The following LRRC40 variants were observed in gnomAD, a reference collection of about 807,000 sequenced individuals.
LRRC40 encodes the protein leucine-rich repeat-containing protein 40.
LRRC40 carries 76 observed loss-of-function variants against 72.8 expected under a neutral mutation model. The observed-to-expected ratio is 1.04, with a 90% CI of 0.87 to 1.26. LRRC40 has a LOEUF of 1.26. Ranked by LOEUF, LRRC40 falls within the 50% of genes most tolerant of loss-of-function variation. The probability of loss-of-function intolerance (pLI) is 0.00; values close to 1 mark genes in which losing one functional copy is unlikely to be tolerated. For synonymous variants in LRRC40, 243 were observed against 254.2 expected (o/e 0.96, Z 0.42); for missense variants, 684 against 698.9 (o/e 0.98, Z 0.24).
intron 4 of LRRC40, among the ~76,000 whole-genome samples, chr1:70,182,643 CAGTT>C (rs1307298496): frequency 6.6e-6 from 1 of 151,820 alleles, no homozygotes; most frequent in African/African-American, 2.4e-5. Flanking sequence ...ATAATTACTG[CAGTT>C]AGTAATTGTT....
chr1:70,187,439 C>G (rs1295414784), intron 2 of LRRC40, 101 bp from the exon 3 acceptor site: 3 of 611,474 alleles, frequency 4.9e-6, no homozygotes, highest in Non-Finnish European at 8.8e-6. Context: ...ATCTCCTGTT[C>G]CTCAAATTCA....
At chr1:70,201,608 T>C (rs1668739915) in intron 1 of LRRC40, among the ~76,000 whole-genome samples, 1 of 152,106 alleles carries the variant, frequency 6.6e-6, no homozygotes, top group South Asian at 2.1e-4. Flanking sequence ...GATATACAGA[T>C]GGCAAATGAG....
At chr1:70,165,871 T>C (rs572735696) in intron 9 of LRRC40, among the ~76,000 whole-genome samples, 4 of 152,324 alleles carry the variant, frequency 2.6e-5, no homozygotes, top group Admixed American at 1.3e-4. Context: ...GTGATTCTTA[T>C]GTGCCTCTAG....
At chr1:70,159,209 T>C (rs1194220885) in intron 10 of LRRC40, 121 bp downstream of exon 10, 12 of 425,792 alleles carry the variant, frequency 2.8e-5, no homozygotes, top group Non-Finnish European at 4.2e-6. Context: ...AAGCCTATAA[T>C]CCTAGCACTT....
chr1:70,153,972 CAAAAAAAAA>C (rs1042976831), intron 11 of LRRC40, among the ~76,000 whole-genome samples: 2 of 58,196 alleles, frequency 3.4e-5, no homozygotes, highest in South Asian at 5.6e-4. Context: ...GATCCTGTCT[CAAAAAAAAA>C]AAAAAAAAAA....
At position 70,200,190 on chromosome 1, in the gene LRRC40, G is replaced by C. The variant is rs569516938; in HGVS notation, c.151+5200C>G. ...TGTAGAAATATCAGGAATGGGGTCA[G>C]GTACAGTGGCTCACACCCATAATCC... On this transcript the variant is annotated intron_variant, in intron 1 of 14. Coordinates refer to ENST00000370952, the MANE Select transcript of LRRC40 (RefSeq NM_017768.5). Among the ~76,000 whole-genome samples the C allele has an allele frequency of 4.6e-5, 7 of 152,288 alleles. No individual in the cohort carries two copies. The South Asian group carries it at 1.5e-3, about 32-fold the overall frequency.
chr1:70,174,389 G>A (rs1183881605), intron 7 of LRRC40, among the ~76,000 whole-genome samples: 1 of 152,032 alleles, frequency 6.6e-6, no homozygotes, highest in African/African-American at 2.4e-5. Context: ...TTTCGAAAGT[G>A]GAGTCTTTTA....
At chr1:70,205,244 A>G in intron 1 of LRRC40, 146 bp downstream of exon 1, 1 of 729,324 alleles carries the variant, frequency 1.4e-6, no homozygotes, top group Non-Finnish European at 2.1e-6. Context: ...ACCGGTCGAA[A>G]TGAGCACAGG....
At chr1:70,175,418 C>G (rs1034979575) in intron 7 of LRRC40, among the ~76,000 whole-genome samples, 2 of 152,080 alleles carry the variant, frequency 1.3e-5, no homozygotes, top group African/African-American at 4.8e-5. Flanking sequence ...AGTATTTTTT[C>G]TTAATGTTTC....
chr1:70,195,788 A>C (rs1217583844), intron 1 of LRRC40, among the ~76,000 whole-genome samples: 1 of 152,110 alleles, frequency 6.6e-6, no homozygotes, highest in Non-Finnish European at 1.5e-5. Context: ...GGCATGTGCC[A>C]CCATGCCTGG....
At position 70,205,423 on chromosome 1, in the gene LRRC40, G is replaced by A. The variant is rs533301606; in HGVS notation, c.118C>T (p.Gln40Ter). The A allele has an allele frequency of 5.0e-6, 8 of 1,602,016 alleles. No individual in the cohort carries two copies. Among genetic ancestry groups the A allele is most frequent in the Admixed American group, 1.7e-5 (1 of 59,720 alleles). ...GLLKAARKSG[Q>*]LNLSGRNLSE... is the part of the protein sequence containing the mutation. ...AGGTTTCTACCCGACAGGTTTAACT[G>A]GCCGCTCTTCCTCGCTGCCTTCAAC... is the stretch of plus-strand genomic sequence containing the variant. Residue 40 changes from glutamine to a stop codon, truncating the protein, a stop_gained, in exon 1 of 15, where the codon CAG becomes TAG. Transcript: ENST00000370952. LOFTEE classifies it high-confidence loss of function.
chr1:70,199,210 T>C (rs1228499064), intron 1 of LRRC40, among the ~76,000 whole-genome samples: 2 of 97,200 alleles, frequency 2.1e-5, no homozygotes, highest in East Asian at 5.8e-4. Flanking sequence ...AAATTATACA[T>C]AGTCTCACAC....
intron 13 of LRRC40, among the ~76,000 whole-genome samples, chr1:70,150,279 G>C (rs1440608061): frequency 6.6e-6 from 1 of 152,120 alleles, no homozygotes; most frequent in East Asian, 1.9e-4. Context: ...GAAACAATGT[G>C]ACATAGTTGT....
intron 1 of LRRC40, among the ~76,000 whole-genome samples, chr1:70,201,874 G>A (rs895178572): frequency 2.6e-5 from 4 of 152,116 alleles, no homozygotes; most frequent in African/African-American, 9.7e-5. Flanking sequence ...CTACTCAGGA[G>A]GCTGAGACGG....
intron 13 of LRRC40, among the ~76,000 whole-genome samples, chr1:70,149,417 C>A (rs1326101407): frequency 6.6e-6 from 1 of 152,200 alleles, no homozygotes. Flanking sequence ...CAAGGCAGTG[C>A]TGAAGTTCCA....
At position 70,160,244 on chromosome 1, in the gene LRRC40, A is replaced by G. The variant is rs1332944164; in HGVS notation, c.1112-806T>C. Among the ~76,000 whole-genome samples the G allele has an allele frequency of 7.9e-5, 12 of 152,200 alleles. 1 individual carries two copies. The highest frequency in any genetic ancestry group is 1.8e-4 in the Non-Finnish European group (12 of 68,018). ...AGAGCAGAAGGCACGCCAAAAGAAA[A>G]CAAAAAAAATTAGTAGTATACCTGA... On this transcript the variant is annotated intron_variant, in intron 9 of 14. Coordinates refer to ENST00000370952, the MANE Select transcript of LRRC40 (RefSeq NM_017768.5).
intron 12 of LRRC40, among the ~76,000 whole-genome samples, chr1:70,152,191 T>C (rs932310057): frequency 1.6e-4 from 25 of 152,182 alleles, no homozygotes; most frequent in African/African-American, 6.0e-4. Context: ...TTCAGTAATT[T>C]TGTCTTATGA....
At chr1:70,157,554 T>A (rs1200578734) in intron 10 of LRRC40, among the ~76,000 whole-genome samples, 1 of 152,178 alleles carries the variant, frequency 6.6e-6, no homozygotes, top group Non-Finnish European at 1.5e-5. Context: ...TCTGCATGAT[T>A]AAAAGCAACA....
intron 11 of LRRC40, among the ~76,000 whole-genome samples, chr1:70,154,312 A>G (rs1161638233): frequency 6.6e-6 from 1 of 152,158 alleles, no homozygotes; most frequent in African/African-American, 2.4e-5. Context: ...AAAATGTGAT[A>G]TAATAGCTGT....
Sources: allele counts gnomAD v4.1 joint callset (sites outside exome capture counted in the v4.1 genomes callset), GRCh38; gene constraint gnomAD v4.1.1; transcripts MANE v1.5; gene names NCBI Gene and HGNC (gene_info 2026-07-23, HGNC 2026-07-21).